FREM2: variants seen among roughly 807,000 people sequenced by gnomAD.
The protein encoded by FREM2 is FRAS1-related extracellular matrix protein 2.
FREM2 carries 119 observed loss-of-function variants against 219.9 expected under a neutral mutation model. The observed-to-expected ratio is 0.54, with a 90% CI of 0.47 to 0.63. The LOEUF is 0.63. FREM2 is among the 30% of genes least tolerant of loss of function. The pLI is 0.00. For missense variants in FREM2, 4,030 were observed against 3,993.6 expected, an observed-to-expected ratio of 1.01 and a Z score of -0.25; for synonymous variants, 1,562 against 1,522.8, an observed-to-expected ratio of 1.03 and a Z score of -0.60.
At chr13:38,720,937 G>A (rs957109301) in intron 2 of FREM2, among the ~76,000 whole-genome samples, 64 of 152,196 alleles carry the variant, frequency 4.2e-4, no homozygotes, top group Admixed American at 1.4e-3. Flanking sequence ...TATCAGAAGT[G>A]GAAATAGAAG....
At chr13:38,794,741 T>C (rs556638654) in intron 6 of FREM2, among the ~76,000 whole-genome samples, 31 of 152,286 alleles carry the variant, frequency 2.0e-4, no homozygotes, top group African/African-American at 7.0e-4. Context: ...AGCTATACAG[T>C]ACTGTGTGTG....
Position 38,881,559 on chromosome 13 carries a change from A to G in FREM2, c.*772A>G, listed in dbSNP as rs528804892. On this transcript the variant is annotated 3_prime_UTR_variant, in exon 24 of 24. Coordinates refer to ENST00000280481, the MANE Select transcript of FREM2 (RefSeq NM_207361.6). ...GAGCTCTTGCATGGTAATATACCTT[A>G]TTGGTGCTCAACATTTGTGGGAAAT... The G allele has an allele frequency of 6.5e-6, 1 of 152,866 alleles. No individual in the cohort carries two copies. Among genetic ancestry groups the G allele is most frequent in the South Asian group, 2.1e-4 (1 of 4,828 alleles). The allele number at this position is 152,866 out of a possible 1,614,324, so 9.5% of individuals were successfully genotyped here. A position where few individuals can be genotyped will look rare whatever the true frequency, so the allele number is the denominator to read the frequency against.
In FREM2 at chr13:38,688,110, T is replaced by C; in HGVS notation, c.766T>C (p.Cys256Arg). 6.2e-7 allele frequency: 1 copy of C among 1,613,286 alleles called. No individual in the cohort carries two copies. The highest frequency in any genetic ancestry group is 8.5e-7 in the Non-Finnish European group (1 of 1,179,634). Residue 256 changes from cysteine (C) to arginine (R), a missense_variant, in exon 1 of 24, where the codon TGC (cysteine) becomes CGC (arginine). By Grantham distance (180) the Cys-to-Arg change is radical. This residue lies in a region of FREM2 where 3,102 missense variants were observed against 2,950.7 expected (regional missense o/e 1.05). Coordinates refer to ENST00000280481, the MANE Select transcript of FREM2 (RefSeq NM_207361.6). ...CGCCCCGGAGACTCTCCTGATGGAC[T>C]GCAAAGCTTTCCAGGAACTAGGCGT... is the stretch of plus-strand genomic sequence containing the variant. ...GGAPETLLMD[C>R]KAFQELGVRY...
rs1489231351 is a variant in FREM2 at position 38,851,856 on chromosome 13, C to T, written c.6913C>T (p.Pro2305Ser). 1 of 1,613,668 alleles carries T rather than the reference C, an allele frequency of 6.2e-7. No homozygotes were observed. The highest frequency in any genetic ancestry group is 8.5e-7 in the Non-Finnish European group (1 of 1,179,850). The change falls in exon 11 of 24, where the codon CCT becomes TCT. Residue 2305 changes from proline to serine, a missense_variant. Pro to Ser is a moderately conservative substitution (Grantham distance 74). Coordinates refer to ENST00000280481, the MANE Select transcript of FREM2 (RefSeq NM_207361.6). ...GSATSGEDYHPVSEEIEFKEG... is the reference protein window; with the variant it reads ...GSATSGEDYHSVSEEIEFKEG... ...GGCCACCTCTGGAGAAGACTACCAC[C>T]CTGTGTCAGAAGGTATGGGGCTCCC...
intron 2 of FREM2, among the ~76,000 whole-genome samples, chr13:38,701,520 A>G (rs894006231): frequency 4.6e-5 from 7 of 152,076 alleles, no homozygotes; most frequent in African/African-American, 1.4e-4. Context: ...GAGAAATAAA[A>G]TATTTATTCT....
intron 2 of FREM2, among the ~76,000 whole-genome samples, chr13:38,702,612 A>G (rs61947553): frequency 0.14 from 18,339 of 128,114 alleles, 1,308 homozygotes; most frequent in South Asian, 0.29. Flanking sequence ...AGAAAAAATT[A>G]GAATACATAC....
At chr13:38,880,241 A>T (rs1450431595) in intron 23 of FREM2, 43 bp from the exon 24 acceptor site, 3 of 1,589,386 alleles carry the variant, frequency 1.9e-6, no homozygotes, top group East Asian at 4.5e-5. Context: ...TTAGATTGAC[A>T]TGGTATCTAG....
At chr13:38,838,832 A>G (rs1450722465) in intron 6 of FREM2, among the ~76,000 whole-genome samples, 1 of 151,712 alleles carries the variant, frequency 6.6e-6, no homozygotes, top group African/African-American at 2.4e-5. Context: ...TGTTCTCTAA[A>G]CTGGTTATTC....
chr13:38,696,987 A>G (rs911056218), intron 1 of FREM2, among the ~76,000 whole-genome samples: 1 of 151,770 alleles, frequency 6.6e-6, no homozygotes, highest in Non-Finnish European at 1.5e-5. Flanking sequence ...TTTAATAGAG[A>G]CAGGGTTTCA....
intron 2 of FREM2, among the ~76,000 whole-genome samples, chr13:38,709,555 T>C (rs1870679633): frequency 6.6e-6 from 1 of 152,082 alleles, no homozygotes; most frequent in African/African-American, 2.4e-5. Flanking sequence ...TAGACTATTA[T>C]GTAGATGCAT....
intron 6 of FREM2, among the ~76,000 whole-genome samples, chr13:38,788,798 C>A (rs1874436063): frequency 6.6e-6 from 1 of 151,896 alleles, no homozygotes; most frequent in Non-Finnish European, 1.5e-5. Flanking sequence ...ATAATGTATA[C>A]TATAAGATTC....
intron 6 of FREM2, among the ~76,000 whole-genome samples, chr13:38,839,360 C>G (rs4943609): frequency 0.14 from 21,541 of 152,214 alleles, 1,766 homozygotes; most frequent in Admixed American, 0.24. Context: ...GCACCCGCCA[C>G]ATGCCAGCCA....
chr13:38,716,322 G>A (rs751714554), intron 2 of FREM2, among the ~76,000 whole-genome samples: 1 of 152,014 alleles, frequency 6.6e-6, no homozygotes, highest in Non-Finnish European at 1.5e-5. Context: ...TTCAAAATAG[G>A]TACTTATGCA....
At chr13:38,730,666 C>T (rs1427561023) in intron 2 of FREM2, among the ~76,000 whole-genome samples, 1 of 152,158 alleles carries the variant, frequency 6.6e-6, no homozygotes, top group African/African-American at 2.4e-5. Flanking sequence ...TTATTTGCAC[C>T]TATGTGTTTT....
At chr13:38,866,495 C>CA (rs1411165282) in intron 16 of FREM2, among the ~76,000 whole-genome samples, 6 of 150,552 alleles carry the variant, frequency 4.0e-5, no homozygotes, top group Admixed American at 6.6e-5. Context: ...GAGACTCTGT[C>CA]AAAAAAAATA....
In FREM2 at chr13:38,859,353, G is replaced by A. The variant is rs1877673702; in HGVS notation, c.7282G>A (p.Asp2428Asn). The change falls in exon 14 of 24, where the codon GAC (aspartate) becomes AAC (asparagine). Residue 2428 changes from aspartate to asparagine, a missense_variant. Transcript: ENST00000280481. ...GSICASENIN[D>N]TLTRYRWLIS... ...TATCTGTGCAAGTGAGAACATCAATGACACTTTGACGCGGTACCGGTGGCT... is the reference window on the plus strand; with the variant it reads ...TATCTGTGCAAGTGAGAACATCAATAACACTTTGACGCGGTACCGGTGGCT... 1 of 1,614,078 alleles carries A rather than the reference G, an allele frequency of 6.2e-7. No homozygotes were observed. The highest frequency in any genetic ancestry group is 1.7e-5 in the Admixed American group (1 of 60,012).
At position 38,755,300 on chromosome 13, in the gene FREM2, T is replaced by A. The variant is rs1373563101; in HGVS notation, c.5264-9004T>A. ...CTGCACAGCTCTACTAGAAATCCTA[T>A]CACAGCTATGCCCAACTCCCCCATA... is the stretch of plus-strand genomic sequence containing the variant. On this transcript the variant is annotated intron_variant, in intron 2 of 23. Coordinates refer to ENST00000280481, the MANE Select transcript of FREM2 (RefSeq NM_207361.6). 2.0e-5 allele frequency among the ~76,000 whole-genome samples: 3 copies of A among 152,184 alleles called. No individual in the cohort carries two copies. In the East Asian group the frequency reaches 5.8e-4, roughly 30 times the overall value.
chr13:38,697,509 C>T (rs982951997), intron 1 of FREM2, among the ~76,000 whole-genome samples, 189 bp from the exon 2 acceptor site: 4 of 152,154 alleles, frequency 2.6e-5, no homozygotes, highest in Non-Finnish European at 5.9e-5. Context: ...TGTGAGGGAT[C>T]AGGTGTCCAT....
At chr13:38,708,546 C>T (rs534886404) in intron 2 of FREM2, among the ~76,000 whole-genome samples, 1 of 151,978 alleles carries the variant, frequency 6.6e-6, no homozygotes, top group Admixed American at 6.6e-5. Context: ...CCCAGCTACT[C>T]GGGAGGCTGA....
Sources: allele counts gnomAD v4.1 joint callset (sites outside exome capture counted in the v4.1 genomes callset), GRCh38; gene constraint gnomAD v4.1.1; regional missense constraint gnomAD v4.1.1; transcripts MANE v1.5; gene names NCBI Gene and HGNC (gene_info 2026-07-23, HGNC 2026-07-21).